Variants in ROBO1 observed in about 807,000 individuals in gnomAD.
ROBO1 encodes the protein roundabout guidance receptor 1.
In ROBO1, 149 loss-of-function variants were observed where a neutral mutation model predicts 195.9. The observed-to-expected ratio is 0.76, with a 90% CI of 0.67 to 0.87. The LOEUF is 0.87. Ranked by LOEUF, ROBO1 falls within the 40% of genes least tolerant of loss-of-function variation. The probability of loss-of-function intolerance (pLI) is 0.00; values close to 1 mark genes in which losing one functional copy is unlikely to be tolerated. For missense variants in ROBO1, 1,933 were observed against 2,068.3 expected (o/e 0.93, Z 1.27); for synonymous variants, 816 against 733.2 (o/e 1.11, Z -1.82).
chr3:79,122,880 G>A (rs2080146114), intron 3 of ROBO1, among the ~76,000 whole-genome samples: 1 of 151,836 alleles, frequency 6.6e-6, no homozygotes, highest in African/African-American at 2.4e-5. Context: ...TATACTAAAT[G>A]TTAGGGTGAG....
At chr3:78,799,564 A>G (rs1043860413) in intron 4 of ROBO1, among the ~76,000 whole-genome samples, 2 of 151,602 alleles carry the variant, frequency 1.3e-5, no homozygotes, top group African/African-American at 4.9e-5. Flanking sequence ...GATGGTCTCG[A>G]TCTCCTGACC....
At chr3:79,089,087 A>T (rs1390525739) in intron 3 of ROBO1, among the ~76,000 whole-genome samples, 2 of 152,126 alleles carry the variant, frequency 1.3e-5, no homozygotes, top group Non-Finnish European at 2.9e-5. Flanking sequence ...TAAAAGGCAA[A>T]ATGTATTAAT....
intron 2 of ROBO1, among the ~76,000 whole-genome samples, chr3:79,416,869 G>A (rs1219801712): frequency 6.6e-6 from 1 of 152,116 alleles, no homozygotes; most frequent in Non-Finnish European, 1.5e-5. Context: ...TATTCCTATG[G>A]CACTCTGCAA....
intron 1 of ROBO1, among the ~76,000 whole-genome samples, chr3:79,668,478 A>T (rs2106882108): frequency 6.6e-6 from 1 of 151,670 alleles, no homozygotes; most frequent in Admixed American, 6.6e-5. Flanking sequence ...CAACCTTCAA[A>T]TTTAAAAATC....
chr3:79,403,121 C>T (rs573430016), intron 2 of ROBO1, among the ~76,000 whole-genome samples: 17 of 152,036 alleles, frequency 1.1e-4, no homozygotes, highest in African/African-American at 4.1e-4. Context: ...TCACAAAAAA[C>T]CTCCCACCCT....
chr3:79,215,492 C>T, intron 2 of ROBO1, among the ~76,000 whole-genome samples: 1 of 152,100 alleles, frequency 6.6e-6, no homozygotes, highest in East Asian at 1.9e-4. Context: ...TGTAAATACA[C>T]ACAGAGCTAA....
At chr3:79,299,379 C>T (rs1175162446) in intron 2 of ROBO1, among the ~76,000 whole-genome samples, 2 of 152,114 alleles carry the variant, frequency 1.3e-5, no homozygotes, top group Non-Finnish European at 2.9e-5. Context: ...TAACATGTGG[C>T]TTATTGGGAA....
At chr3:79,754,066 G>A (rs867978698) in intron 1 of ROBO1, among the ~76,000 whole-genome samples, 1 of 152,040 alleles carries the variant, frequency 6.6e-6, no homozygotes, top group Non-Finnish European at 1.5e-5. Flanking sequence ...TGTGAGAAAA[G>A]ATTATGAAAA....
chr3:79,559,612 C>T (rs1162660887), intron 2 of ROBO1, among the ~76,000 whole-genome samples: 1 of 152,150 alleles, frequency 6.6e-6, no homozygotes, highest in Non-Finnish European at 1.5e-5. Context: ...ACCTTGTGTA[C>T]TGCAAGCTTT....
intron 3 of ROBO1, among the ~76,000 whole-genome samples, chr3:79,116,390 C>T (rs529533561): frequency 7.0e-6 from 1 of 142,246 alleles, no homozygotes; most frequent in African/African-American, 2.6e-5. Flanking sequence ...TTTCTCTCTC[C>T]TTCCTTCCTT....
chr3:78,869,010 A>G (rs2035363184), intron 4 of ROBO1, among the ~76,000 whole-genome samples: 1 of 152,214 alleles, frequency 6.6e-6, no homozygotes, highest in Non-Finnish European at 1.5e-5. Flanking sequence ...CTATCAGACA[A>G]TAAGTTATGT....
intron 1 of ROBO1, among the ~76,000 whole-genome samples, chr3:79,685,497 G>T (rs771193923): frequency 6.6e-6 from 1 of 152,184 alleles, no homozygotes; most frequent in African/African-American, 2.4e-5. Context: ...AGGCACATGT[G>T]ATGACTTTGC....
At chr3:79,408,626 C>CT (rs1297222510) in intron 2 of ROBO1, among the ~76,000 whole-genome samples, 2 of 152,002 alleles carry the variant, frequency 1.3e-5, no homozygotes, top group Non-Finnish European at 2.9e-5. Flanking sequence ...GTCTTTGAAT[C>CT]ATACTACATA....
intron 3 of ROBO1, among the ~76,000 whole-genome samples, chr3:79,098,140 A>G (rs1247306856): frequency 6.6e-6 from 1 of 151,808 alleles, no homozygotes; most frequent in Non-Finnish European, 1.5e-5. Context: ...GTCTACACAG[A>G]TGAGATTTAT....
At chr3:79,258,753 C>G (rs1302586246) in intron 2 of ROBO1, among the ~76,000 whole-genome samples, 3 of 152,100 alleles carry the variant, frequency 2.0e-5, no homozygotes, top group African/African-American at 4.8e-5. Flanking sequence ...CAGATGAGCA[C>G]AGAATTTGTC....
At chr3:79,735,084 A>G (rs1000327934) in intron 1 of ROBO1, among the ~76,000 whole-genome samples, 4 of 152,354 alleles carry the variant, frequency 2.6e-5, no homozygotes, top group Middle Eastern at 3.4e-3. Context: ...CTTAGACATT[A>G]CCTCTGAAAA....
chr3:79,341,187 T>TAGCA (rs1456806630), intron 2 of ROBO1, among the ~76,000 whole-genome samples: 1 of 152,194 alleles, frequency 6.6e-6, no homozygotes, highest in African/African-American at 2.4e-5. Context: ...AGTATGCTTA[T>TAGCA]AGCATGTCAT....
chr3:79,371,114 C>G (rs572708950), intron 2 of ROBO1, among the ~76,000 whole-genome samples: 1 of 152,074 alleles, frequency 6.6e-6, no homozygotes, highest in African/African-American at 2.4e-5. Context: ...GGTTCCACGT[C>G]TTTGCTATAG....
chr3:79,090,368 C>A (rs781432227), intron 3 of ROBO1, among the ~76,000 whole-genome samples: 2 of 152,020 alleles, frequency 1.3e-5, no homozygotes, highest in Non-Finnish European at 2.9e-5. Flanking sequence ...GTCTAAAATA[C>A]ATCATGCAAG....
Sources: allele counts gnomAD v4.1 joint callset (sites outside exome capture counted in the v4.1 genomes callset), GRCh38; gene constraint gnomAD v4.1.1; transcripts MANE v1.5; gene names NCBI Gene and HGNC (gene_info 2026-07-23, HGNC 2026-07-21).